ADGRV1: variants seen among roughly 807,000 people sequenced by gnomAD.
ADGRV1 encodes adhesion G protein-coupled receptor V1.
ADGRV1 carries 359 observed loss-of-function variants against 596.2 expected under a neutral mutation model. The observed-to-expected ratio is 0.60, with a 90% confidence interval of 0.55 to 0.66. ADGRV1 has a LOEUF of 0.66. Ranked by LOEUF, ADGRV1 falls within the 30% of genes least tolerant of loss-of-function variation. The pLI, the probability that ADGRV1 is intolerant of heterozygous loss-of-function variation, is 0.00. For missense variants in ADGRV1, 7,274 were observed against 7,575.6 expected, an observed-to-expected ratio of 0.96 and a Z score of 1.48; for synonymous variants, 2,681 against 2,679.2, an observed-to-expected ratio of 1.00 and a Z score of -0.02.
intron 9 of ADGRV1, among the ~76,000 whole-genome samples, chr5:90,634,074 TTTA>T (rs986987867): frequency 6.6e-6 from 1 of 152,222 alleles, no homozygotes; most frequent in Non-Finnish European, 1.5e-5. Context: ...AGAGACATGT[TTTA>T]TTAAGTTAAA....
chr5:90,745,555 G>A (rs1754523782), intron 51 of ADGRV1, 36 bp from the exon 52 acceptor site: 2 of 1,378,936 alleles, frequency 1.5e-6, no homozygotes, highest in Non-Finnish European at 1.0e-6. Context: ...TAAATTTGTT[G>A]TAGTTGACTT....
chr5:91,069,928 C>CAAAAAAAA (rs70973728), intron 85 of ADGRV1, among the ~76,000 whole-genome samples: 5 of 136,874 alleles, frequency 3.7e-5, no homozygotes, highest in Admixed American at 7.1e-5. Flanking sequence ...AATGTAGCCA[C>CAAAAAAAA]AAAAAAAAAA....
intron 1 of ADGRV1, among the ~76,000 whole-genome samples, chr5:90,579,020 G>A (rs534012463): frequency 2.6e-4 from 39 of 151,928 alleles, no homozygotes; most frequent in Non-Finnish European, 5.3e-4. Context: ...TCTTGCTAGC[G>A]GTCTACCTAT....
At chr5:90,898,845 C>T (rs7349806) in intron 83 of ADGRV1, among the ~76,000 whole-genome samples, 1 of 152,042 alleles carries the variant, frequency 6.6e-6, no homozygotes, top group African/African-American at 2.4e-5. Context: ...ATTCAGGAGG[C>T]TGAAGCCGGA....
At chr5:90,840,275 C>G (rs935003767) in intron 77 of ADGRV1, among the ~76,000 whole-genome samples, 7 of 152,104 alleles carry the variant, frequency 4.6e-5, no homozygotes, top group Non-Finnish European at 1.0e-4. Context: ...TTATTTGAAG[C>G]ACGATTTTCA....
At chr5:90,742,920 G>A (rs207466234) in intron 50 of ADGRV1, among the ~76,000 whole-genome samples, 2 of 152,198 alleles carry the variant, frequency 1.3e-5, no homozygotes, top group African/African-American at 4.8e-5. Flanking sequence ...AACTTTTGTG[G>A]TGGTGATTGC....
chr5:90,603,322 G>A (rs1226593672), intron 1 of ADGRV1, among the ~76,000 whole-genome samples: 2 of 152,214 alleles, frequency 1.3e-5, no homozygotes, highest in Non-Finnish European at 2.9e-5. Flanking sequence ...AGTTCTCAAT[G>A]TTTCCATCTA....
chr5:91,036,023 A>G (rs1784884754), intron 85 of ADGRV1, among the ~76,000 whole-genome samples: 1 of 151,436 alleles, frequency 6.6e-6, no homozygotes, highest in Admixed American at 6.6e-5. Context: ...AGTATTGTAG[A>G]TATGTGATGT....
intron 85 of ADGRV1, among the ~76,000 whole-genome samples, chr5:91,037,312 G>A (rs1163756688): frequency 6.6e-6 from 1 of 152,148 alleles, no homozygotes; most frequent in Non-Finnish European, 1.5e-5. Context: ...GTAGAGGAAA[G>A]CAACTGTGTC....
intron 59 of ADGRV1, among the ~76,000 whole-genome samples, chr5:90,766,157 C>T (rs1561686902): frequency 6.6e-6 from 1 of 152,146 alleles, no homozygotes; most frequent in Non-Finnish European, 1.5e-5. Flanking sequence ...GATCCGCCCG[C>T]CTTGGCCTCC....
At chr5:90,669,449 C>A (rs375604668) in intron 21 of ADGRV1, among the ~76,000 whole-genome samples, 2 of 152,108 alleles carry the variant, frequency 1.3e-5, no homozygotes, top group South Asian at 2.1e-4. Context: ...GAAAACACTG[C>A]TCAAGGACTT....
At chr5:91,091,705 T>A (rs1049063169) in intron 86 of ADGRV1, 2 of 152,006 alleles carry the variant, frequency 1.3e-5, no homozygotes, top group Non-Finnish European at 2.9e-5. Flanking sequence ...ATGGTGTAGA[T>A]TTCAGTTTTA....
At position 90,652,444 on chromosome 5, in the gene ADGRV1, C is replaced by G; in HGVS notation, c.3515C>G (p.Thr1172Ser). Residue 1172 changes from threonine (T) to serine (S), a missense_variant, in exon 19 of 90, where the codon ACT (threonine) becomes AGT (serine). Physicochemically the swap from Thr to Ser is moderately conservative, Grantham distance 58. Around this residue, in one of 5 missense-constraint regions of ADGRV1, gnomAD observed 1,715 missense variants for 1,708.8 expected, o/e 1.00. Transcript: ENST00000405460. Reference protein sequence around the residue: ...ALQPGQEFYETSGTVNFMDGE... With the variant: ...ALQPGQEFYESSGTVNFMDGE... Reference sequence around the variant, plus strand: ...CAGCCTGGGCAGGAGTTCTATGAAACTTCAGGAACTGTTAACTTCATGGAT... The same window carrying G: ...CAGCCTGGGCAGGAGTTCTATGAAAGTTCAGGAACTGTTAACTTCATGGAT... The G allele has an allele frequency of 6.2e-7, 1 of 1,613,392 alleles. No individual in the cohort carries two copies. The highest frequency in any genetic ancestry group is 8.5e-7 in the Non-Finnish European group (1 of 1,179,490).
At chr5:90,950,244 C>T (rs1776946090) in intron 83 of ADGRV1, among the ~76,000 whole-genome samples, 1 of 152,106 alleles carries the variant, frequency 6.6e-6, no homozygotes, top group South Asian at 2.1e-4. Context: ...TGCAATTACA[C>T]TGTTCACTGT....
intron 16 of ADGRV1, among the ~76,000 whole-genome samples, chr5:90,646,883 C>T (rs912631712): frequency 6.6e-6 from 1 of 151,252 alleles, no homozygotes; most frequent in African/African-American, 2.4e-5. Context: ...AAGTGATTCT[C>T]CTGCCTCAGC....
At chr5:90,832,540 C>T (rs1329591904) in intron 77 of ADGRV1, among the ~76,000 whole-genome samples, 1 of 152,078 alleles carries the variant, frequency 6.6e-6, no homozygotes, top group African/African-American at 2.4e-5. Flanking sequence ...TATTTTCTCC[C>T]ATTCTGTGGG....
chr5:91,008,461 C>T (rs1042786491), intron 85 of ADGRV1, among the ~76,000 whole-genome samples: 1 of 151,838 alleles, frequency 6.6e-6, no homozygotes, highest in Admixed American at 6.6e-5. Context: ...TATTTATTAC[C>T]TTTGCTTTTA....
At chr5:90,829,266 T>C (rs1764330962) in intron 77 of ADGRV1, 80 bp downstream of exon 77, 1 of 1,139,168 alleles carries the variant, frequency 8.8e-7, no homozygotes, top group East Asian at 2.5e-5. Flanking sequence ...TAGGGAATAA[T>C]TGATACATTA....
chr5:91,093,090 TACC>T (rs1790523626), intron 86 of ADGRV1, among the ~76,000 whole-genome samples: 1 of 152,200 alleles, frequency 6.6e-6, no homozygotes, highest in Admixed American at 6.5e-5. Context: ...AACTAATACT[TACC>T]AAATTGATGC....
Sources: gnomAD v4.1 joint callset for allele counts (sites outside exome capture counted in the v4.1 genomes callset) on GRCh38, gnomAD v4.1.1 for gene constraint, gnomAD v4.1.1 regional missense constraint, MANE v1.5 for transcripts, NCBI Gene and HGNC (gene_info 2026-07-23, HGNC 2026-07-21) for gene names.